HMGA2: variants seen among roughly 807,000 people sequenced by gnomAD.
The protein encoded by HMGA2 is high mobility group AT-hook 2.
Under a neutral mutation model 19.1 loss-of-function variants are expected in HMGA2, and 8 were observed. The ratio of observed to expected loss-of-function variants is 0.42; its 90% CI spans 0.25 to 0.76. HMGA2 has a LOEUF of 0.76. Among genes scored for constraint, HMGA2 ranks in the 30% least tolerant of loss-of-function variants. HMGA2 has a pLI of 0.28. For missense variants in HMGA2, 109 were observed against 136.3 expected (o/e 0.80, Z 1.00); for synonymous variants, 60 against 48.8 (o/e 1.23, Z -0.96).
intron 4 of HMGA2, chr12:65,952,266 A>G (rs183069212): frequency 1.1e-6 from 1 of 908,214 alleles, no homozygotes; most frequent in East Asian, 2.6e-5. Context: ...CTATCAAATT[A>G]AGTAGAACTC....
chr12:65,832,699 G>C (rs1414928720), intron 2 of HMGA2, among the ~76,000 whole-genome samples: 1 of 152,040 alleles, frequency 6.6e-6, no homozygotes, highest in Non-Finnish European at 1.5e-5. Flanking sequence ...AGGGGAAATA[G>C]AGAACTGTTA....
intron 3 of HMGA2, chr12:65,842,975 GA>G: frequency 1.2e-6 from 1 of 811,252 alleles, no homozygotes; most frequent in Non-Finnish European, 1.6e-6. Flanking sequence ...GCTTCTGGAG[GA>G]AAAGAAGCAA....
chr12:65,853,425 T>C (rs1871574385), intron 3 of HMGA2, among the ~76,000 whole-genome samples: 1 of 152,228 alleles, frequency 6.6e-6, no homozygotes, highest in Non-Finnish European at 1.5e-5. Flanking sequence ...TTTTGTTTCA[T>C]ATTTAATTAT....
chr12:65,838,105 G>C (rs1870810276), intron 2 of HMGA2, among the ~76,000 whole-genome samples: 1 of 152,180 alleles, frequency 6.6e-6, no homozygotes, highest in Non-Finnish European at 1.5e-5. Flanking sequence ...TGCAACTTTA[G>C]TTGTGACATG....
At chr12:65,881,721 C>A (rs1873403421) in intron 3 of HMGA2, 2 of 702,944 alleles carry the variant, frequency 2.8e-6, no homozygotes, top group Non-Finnish European at 5.2e-6. Context: ...CACTCACTGA[C>A]TCCGCACACA....
chr12:65,945,550 G>A (rs571349678), intron 3 of HMGA2, among the ~76,000 whole-genome samples: 1 of 152,202 alleles, frequency 6.6e-6, no homozygotes, highest in South Asian at 2.1e-4. Context: ...AGAGAGAAAG[G>A]TTGTGTTTTG....
intron 3 of HMGA2, among the ~76,000 whole-genome samples, chr12:65,927,964 T>C (rs10878348): frequency 0.18 from 26,970 of 148,232 alleles, 3,931 homozygotes; most frequent in East Asian, 0.75. Context: ...TATATATATA[T>C]ATGTATGTAT....
intron 3 of HMGA2, among the ~76,000 whole-genome samples, chr12:65,884,896 G>C (rs1355248190): frequency 6.6e-6 from 1 of 152,178 alleles, no homozygotes; most frequent in Non-Finnish European, 1.5e-5. Flanking sequence ...ATTATGTAAA[G>C]TGCTTCAAAT....
intron 3 of HMGA2, among the ~76,000 whole-genome samples, chr12:65,891,687 A>T (rs1186232357): frequency 6.6e-6 from 1 of 152,208 alleles, no homozygotes; most frequent in Non-Finnish European, 1.5e-5. Context: ...CAGAAGCAGT[A>T]GAATAGAGAG....
At chr12:65,948,360 G>A (rs373880920) in intron 3 of HMGA2, 5 of 152,092 alleles carry the variant, frequency 3.3e-5, no homozygotes, top group Admixed American at 6.5e-5. Context: ...CAAGAACCCC[G>A]AGGAGCAACT....
At chr12:65,920,285 G>C (rs1010291547) in intron 3 of HMGA2, among the ~76,000 whole-genome samples, 5 of 152,102 alleles carry the variant, frequency 3.3e-5, no homozygotes, top group African/African-American at 1.2e-4. Flanking sequence ...CTCCAAACCT[G>C]AGTGAACTAT....
intron 3 of HMGA2, among the ~76,000 whole-genome samples, chr12:65,883,123 A>C (rs1381246507): frequency 6.6e-6 from 1 of 152,160 alleles, no homozygotes; most frequent in Non-Finnish European, 1.5e-5. Context: ...TCAACTTCAA[A>C]GCTAAATTCT....
intron 3 of HMGA2, among the ~76,000 whole-genome samples, chr12:65,936,078 A>C (rs1463570110): frequency 6.6e-6 from 1 of 152,176 alleles, no homozygotes; most frequent in Non-Finnish European, 1.5e-5. Context: ...CACAAATGGA[A>C]TCTGTGGGTC....
intron 3 of HMGA2, among the ~76,000 whole-genome samples, chr12:65,884,465 C>G (rs1264943746): frequency 1.3e-5 from 2 of 152,274 alleles, no homozygotes; most frequent in African/African-American, 2.4e-5. Context: ...CCAAATTGTG[C>G]CTGGTCAATT....
intron 3 of HMGA2, among the ~76,000 whole-genome samples, chr12:65,846,089 T>C (rs768061135): frequency 9.9e-5 from 15 of 152,232 alleles, no homozygotes; most frequent in Non-Finnish European, 1.9e-4. Context: ...TTTCAGATTA[T>C]CTACATCCAG....
chr12:65,865,864 G>A (rs943551090), intron 3 of HMGA2, among the ~76,000 whole-genome samples: 4 of 151,312 alleles, frequency 2.6e-5, no homozygotes, highest in East Asian at 2.0e-4. Flanking sequence ...GGATGGTGTC[G>A]ATCTCCTGAC....
intron 3 of HMGA2, among the ~76,000 whole-genome samples, chr12:65,928,816 A>T (rs1026054539): frequency 6.6e-6 from 1 of 152,232 alleles, no homozygotes; most frequent in Non-Finnish European, 1.5e-5. Context: ...GACCACCACC[A>T]TATATGCAGT....
intron 3 of HMGA2, among the ~76,000 whole-genome samples, chr12:65,844,041 A>G (rs1871129551): frequency 7.6e-6 from 1 of 130,812 alleles, no homozygotes; most frequent in South Asian, 2.5e-4. Flanking sequence ...ACAGAGCAAG[A>G]CTCCATCTCA....
At chr12:65,877,774 C>T (rs1326500471) in intron 3 of HMGA2, among the ~76,000 whole-genome samples, 1 of 151,382 alleles carries the variant, frequency 6.6e-6, no homozygotes, top group Non-Finnish European at 1.5e-5. Flanking sequence ...GATGACCTGC[C>T]TGGTTTTTTT....
Sources: allele counts gnomAD v4.1 joint callset (sites outside exome capture counted in the v4.1 genomes callset), GRCh38; gene constraint gnomAD v4.1.1; transcripts MANE v1.5; gene names NCBI Gene and HGNC (gene_info 2026-07-23, HGNC 2026-07-21).